Variants in LARP4B observed in about 807,000 individuals in gnomAD.
LARP4B encodes la-related protein 4B.
Under a neutral mutation model 89.8 loss-of-function variants are expected in LARP4B, and 12 were observed. That is an observed-to-expected ratio of 0.13 (90% CI 0.09 to 0.22). The LOEUF (loss-of-function observed/expected upper bound fraction) is 0.22, where lower values mean the gene tolerates loss of function less well. Ranked by LOEUF, LARP4B falls within the 10% of genes least tolerant of loss-of-function variation. LARP4B has a pLI of 1.00. For missense variants in LARP4B, 757 were observed against 947.7 expected (o/e 0.80, Z 2.64); for synonymous variants, 367 against 363.3 (o/e 1.01, Z -0.12).
chr10:882,437 G>C (rs1364966602), intron 3 of LARP4B, among the ~76,000 whole-genome samples: 1 of 151,390 alleles, frequency 6.6e-6, no homozygotes, highest in Non-Finnish European at 1.5e-5. Flanking sequence ...GCCTAGGCTG[G>C]AGTGTGGTGG....
chr10:819,610 A>T (rs1371145398), intron 14 of LARP4B: 1 of 152,300 alleles, frequency 6.6e-6, no homozygotes, highest in African/African-American at 2.4e-5. Flanking sequence ...TGCAAGGCAA[A>T]ACAGAACGGA....
chr10:941,954 T>C, the LARP4B span, among the ~76,000 whole-genome samples: 1 of 152,144 alleles, frequency 6.6e-6, no homozygotes, highest in African/African-American at 2.4e-5. Context: ...TACATTTTTT[T>C]AAAAATCTGC....
At chr10:926,446 G>T (rs1564449138) in intron 1 of LARP4B, among the ~76,000 whole-genome samples, 1 of 152,152 alleles carries the variant, frequency 6.6e-6, no homozygotes, top group South Asian at 2.1e-4. Context: ...GGTAGGAGAG[G>T]GAGGCGTGGT....
In LARP4B at chr10:809,678, G is replaced by C. The variant is rs184614068; in HGVS notation, c.*3248C>G. The stretch of plus-strand genomic sequence containing the variant: ...GCTTGATTCCAGTCTTAATGAAGCA[G>C]AACAAAAACGAAACCCTCGAGGAGC... On this transcript the variant is annotated 3_prime_UTR_variant, in exon 18 of 18. Coordinates refer to ENST00000316157, the MANE Select transcript of LARP4B (RefSeq NM_015155.3). 301 of 152,728 alleles carry C rather than the reference G, an allele frequency of 2.0e-3. 1 individual carries two copies. The highest frequency in any genetic ancestry group is 0.014 in the Middle Eastern group (4 of 294). 9.5% of individuals were successfully genotyped at this position (152,728 alleles called of 1,614,324 possible).
chr10:985,055 C>T, the LARP4B span, among the ~76,000 whole-genome samples: 1 of 152,176 alleles, frequency 6.6e-6, no homozygotes, highest in Non-Finnish European at 1.5e-5. Flanking sequence ...GCGCCCTGAA[C>T]GCACCTCATT....
chr10:964,095 C>T, the LARP4B span, among the ~76,000 whole-genome samples: 730 of 152,288 alleles, frequency 4.8e-3, 8 homozygotes, highest in African/African-American at 0.016. Context: ...GAGACAGAGT[C>T]TCGCTCTGTT....
chr10:866,134 C>A (rs909763091), intron 3 of LARP4B, among the ~76,000 whole-genome samples: 1 of 152,234 alleles, frequency 6.6e-6, no homozygotes, highest in African/African-American at 2.4e-5. Flanking sequence ...CCCCCAGTCA[C>A]TGGAGCACCA....
intron 3 of LARP4B, among the ~76,000 whole-genome samples, chr10:878,918 A>G (rs1302438069): frequency 6.6e-6 from 1 of 152,258 alleles, no homozygotes; most frequent in African/African-American, 2.4e-5. Flanking sequence ...CAATAAAATT[A>G]CTAATTTTTT....
At chr10:985,968 G>A in the LARP4B span, 1 of 152,246 alleles carries the variant, frequency 6.6e-6, no homozygotes, top group African/African-American at 2.4e-5. Context: ...AGCAGCATGT[G>A]ACTCGTTCTG....
rs1015159160 is a variant in LARP4B, at chr10:909,167, A to T, written c.-40+22261T>A. Among the ~76,000 whole-genome samples the T allele has an allele frequency of 6.6e-5, 10 of 151,822 alleles. No individual in the cohort carries two copies. In the East Asian group the frequency reaches 1.9e-3, roughly 30 times the overall value. ...AAATTAGCCGGGCATGGTGGTGGGC[A>T]CTTGTAGTCCCAGCTACTCGGGAGG... On this transcript the variant is annotated intron_variant, in intron 1 of 17. Transcript: ENST00000316157.
intron 11 of LARP4B, 53 bp downstream of exon 11, chr10:829,332 A>G (rs1832778835): frequency 1.4e-6 from 2 of 1,428,912 alleles, no homozygotes; most frequent in Non-Finnish European, 1.9e-6. Flanking sequence ...TAATCCTTCA[A>G]ATTATCTAGC....
intron 1 of LARP4B, among the ~76,000 whole-genome samples, chr10:908,037 C>G (rs1349240442): frequency 6.6e-6 from 1 of 152,212 alleles, no homozygotes; most frequent in African/African-American, 2.4e-5. Context: ...GAAACCCCAT[C>G]TCTACTAAAA....
chr10:936,429 T>C (rs1830748548), upstream of LARP4B, among the ~76,000 whole-genome samples: 1 of 152,008 alleles, frequency 6.6e-6, no homozygotes, highest in Non-Finnish European at 1.5e-5. Context: ...CACGATTTAC[T>C]ACGAGGCAGG....
At chr10:859,389 TA>T in intron 5 of LARP4B, among the ~76,000 whole-genome samples, 1 of 152,118 alleles carries the variant, frequency 6.6e-6, no homozygotes, top group Middle Eastern at 3.2e-3. Flanking sequence ...TGGAAAACTG[TA>T]TGGTGATTCC....
intron 1 of LARP4B, among the ~76,000 whole-genome samples, chr10:887,696 G>A (rs1299191500): frequency 2.0e-5 from 3 of 151,932 alleles, no homozygotes; most frequent in Admixed American, 6.6e-5. Flanking sequence ...GGGCAACAGA[G>A]TGAGACTCCA....
chr10:839,698 C>G (rs1406920528), intron 7 of LARP4B, among the ~76,000 whole-genome samples: 1 of 152,160 alleles, frequency 6.6e-6, no homozygotes, highest in Non-Finnish European at 1.5e-5. Context: ...CTGGTGGTGG[C>G]CAACCGTAAA....
In LARP4B at chr10:889,974, C is replaced by T. The variant is rs948953038; in HGVS notation, c.-39-4214G>A. On this transcript the variant is annotated intron_variant, in intron 1 of 17. Coordinates refer to ENST00000316157, the MANE Select transcript of LARP4B (RefSeq NM_015155.3). Reference sequence around the variant, plus strand: ...TCAGAAGGGATAACTGTAACAATCCCGTATCCTGAGGATTCCTAGACATCC... The same window carrying T: ...TCAGAAGGGATAACTGTAACAATCCTGTATCCTGAGGATTCCTAGACATCC... Among the ~76,000 whole-genome samples, 11 of 152,322 alleles carry T rather than the reference C, an allele frequency of 7.2e-5. No homozygotes were observed. In the East Asian group the frequency reaches 7.7e-4, roughly 11 times the overall value.
At chr10:823,113 T>C (rs1832441379) in intron 13 of LARP4B, among the ~76,000 whole-genome samples, 1 of 152,210 alleles carries the variant, frequency 6.6e-6, no homozygotes, top group African/African-American at 2.4e-5. Context: ...GAAGGTCAGC[T>C]CTGGCTTCAG....
chr10:843,681 A>G (rs1833638691), intron 6 of LARP4B, among the ~76,000 whole-genome samples: 1 of 152,194 alleles, frequency 6.6e-6, no homozygotes, highest in Admixed American at 6.5e-5. Context: ...CCTGGGCGAC[A>G]AGAGTGAAAC....
Sources: gnomAD v4.1 joint callset for allele counts (sites outside exome capture counted in the v4.1 genomes callset) on GRCh38, gnomAD v4.1.1 for gene constraint, MANE v1.5 for transcripts, NCBI Gene and HGNC (gene_info 2026-07-23, HGNC 2026-07-21) for gene names.